The following EYS variants were observed in gnomAD, a reference collection of about 807,000 sequenced individuals.
EYS encodes the protein protein eyes shut homolog.
A neutral mutation model predicts 282.1 loss-of-function variants in EYS; 250 were observed. The ratio of observed to expected loss-of-function variants is 0.89; its 90% CI spans 0.80 to 0.98. The LOEUF is 0.98. EYS is among the 50% of genes least tolerant of loss of function. The pLI, the probability that EYS is intolerant of heterozygous loss-of-function variation, is 0.00. For missense variants in EYS, 4,016 were observed against 3,709.0 expected, an observed-to-expected ratio of 1.08 and a Z score of -2.15; for synonymous variants, 1,355 against 1,282.9, an observed-to-expected ratio of 1.06 and a Z score of -1.20.
chr6:65,067,106 A>C (rs1475798296), intron 12 of EYS, among the ~76,000 whole-genome samples: 1 of 152,120 alleles, frequency 6.6e-6, no homozygotes, highest in Non-Finnish European at 1.5e-5. Flanking sequence ...CAAACTAAAG[A>C]AAAGAAGAGA....
chr6:64,029,452 G>A (rs1022847052), intron 33 of EYS, among the ~76,000 whole-genome samples: 8 of 152,200 alleles, frequency 5.3e-5, no homozygotes, highest in Non-Finnish European at 1.2e-4. Flanking sequence ...GGAAGTTTAT[G>A]GCTATCGGAC....
intron 31 of EYS, among the ~76,000 whole-genome samples, chr6:64,168,857 T>A (rs1295343304): frequency 6.6e-6 from 1 of 152,212 alleles, no homozygotes; most frequent in Non-Finnish European, 1.5e-5. Flanking sequence ...TTACTTAAAA[T>A]GAGTAAAATT....
At chr6:65,339,366 T>C (rs1770112495) in intron 10 of EYS, among the ~76,000 whole-genome samples, 1 of 151,258 alleles carries the variant, frequency 6.6e-6, no homozygotes, top group African/African-American at 2.4e-5. Flanking sequence ...CTTTCCATGA[T>C]TTCAGTCACC....
intron 12 of EYS, among the ~76,000 whole-genome samples, chr6:65,286,160 T>C (rs1358348140): frequency 1.3e-5 from 2 of 151,924 alleles, no homozygotes; most frequent in Admixed American, 1.3e-4. Flanking sequence ...CATTTTAATC[T>C]CTATTCTCAT....
At chr6:64,662,378 T>C (rs928191106) in intron 22 of EYS, among the ~76,000 whole-genome samples, 13 of 152,144 alleles carry the variant, frequency 8.5e-5, no homozygotes, top group Non-Finnish European at 1.5e-4. Context: ...AAACTTAAAG[T>C]ATAATAAAAA....
At chr6:64,125,630 C>A (rs563671947) in intron 31 of EYS, among the ~76,000 whole-genome samples, 74 of 151,308 alleles carry the variant, frequency 4.9e-4, no homozygotes, top group African/African-American at 1.6e-3. Flanking sequence ...CTAAAAAATA[C>A]AAAAAATTAG....
chr6:65,444,359 T>C (rs1022273984), intron 5 of EYS, among the ~76,000 whole-genome samples: 1 of 152,050 alleles, frequency 6.6e-6, no homozygotes, highest in African/African-American at 2.4e-5. Flanking sequence ...CAAAGTCTTC[T>C]AGTTTAAAGT....
At chr6:64,126,939 T>C (rs1345279986) in intron 31 of EYS, among the ~76,000 whole-genome samples, 1 of 152,102 alleles carries the variant, frequency 6.6e-6, no homozygotes, top group African/African-American at 2.4e-5. Flanking sequence ...TATTCTAGGC[T>C]CCAGTAAGAC....
chr6:64,266,955 C>A (rs1254664531), intron 30 of EYS, among the ~76,000 whole-genome samples: 1 of 152,090 alleles, frequency 6.6e-6, no homozygotes, highest in Admixed American at 6.6e-5. Context: ...AAAGCACTTG[C>A]TTATGGGCTA....
At chr6:64,957,991 T>C (rs1359242547) in intron 14 of EYS, among the ~76,000 whole-genome samples, 2 of 152,172 alleles carry the variant, frequency 1.3e-5, no homozygotes, top group Admixed American at 6.5e-5. Context: ...TTAGCCTATT[T>C]GACAGTTTTA....
intron 2 of EYS, 97 bp from the exon 3 acceptor site, chr6:65,496,090 G>A (rs532821229): frequency 6.6e-6 from 1 of 152,128 alleles, no homozygotes; most frequent in East Asian, 1.9e-4. Context: ...TGATAATCAT[G>A]TTCCTTTTAT....
At chr6:64,446,922 T>C (rs1775134911) in intron 26 of EYS, among the ~76,000 whole-genome samples, 3 of 150,982 alleles carry the variant, frequency 2.0e-5, no homozygotes, top group African/African-American at 7.3e-5. Flanking sequence ...GATCCCTTTC[T>C]CCAGGTTTCT....
At chr6:65,194,918 T>A (rs1765729419) in intron 12 of EYS, among the ~76,000 whole-genome samples, 1 of 151,816 alleles carries the variant, frequency 6.6e-6, no homozygotes, top group African/African-American at 2.4e-5. Context: ...GTTTATATTC[T>A]CAAAGAAGAG....
At chr6:65,192,903 T>G (rs1351543496) in intron 12 of EYS, among the ~76,000 whole-genome samples, 1 of 151,870 alleles carries the variant, frequency 6.6e-6, no homozygotes, top group Non-Finnish European at 1.5e-5. Context: ...ATGTATCATT[T>G]CTGTGGGTTG....
At chr6:64,309,227 A>G (rs1769579072) in intron 29 of EYS, among the ~76,000 whole-genome samples, 1 of 152,182 alleles carries the variant, frequency 6.6e-6, no homozygotes, top group African/African-American at 2.4e-5. Context: ...GGGGAAACTG[A>G]TAATGTTTAA....
chr6:64,686,395 TAAAAC>T (rs1465302638), intron 22 of EYS, among the ~76,000 whole-genome samples: 3 of 151,678 alleles, frequency 2.0e-5, no homozygotes, highest in Middle Eastern at 3.4e-3. Context: ...AAAAAGGAAA[TAAAAC>T]AAACATTACC....
At chr6:64,198,475 T>C (rs1049337591) in intron 31 of EYS, among the ~76,000 whole-genome samples, 3 of 151,878 alleles carry the variant, frequency 2.0e-5, no homozygotes, top group Admixed American at 6.6e-5. Context: ...AGCCCTCCCC[T>C]GGCCCCCCAC....
chr6:65,432,909 G>GA (rs1035577704), intron 5 of EYS, among the ~76,000 whole-genome samples: 69 of 150,050 alleles, frequency 4.6e-4, no homozygotes, highest in African/African-American at 1.5e-3. Flanking sequence ...GAGAAGTCAA[G>GA]AAAAAAAAAG....
chr6:63,837,607 A>G (rs530141097), intron 36 of EYS, among the ~76,000 whole-genome samples: 2 of 152,324 alleles, frequency 1.3e-5, no homozygotes, highest in South Asian at 4.1e-4. Context: ...CTATTGAAGT[A>G]TAACACATAT....
Sources: gnomAD v4.1 joint callset for allele counts (sites outside exome capture counted in the v4.1 genomes callset) on GRCh38, gnomAD v4.1.1 for gene constraint, MANE v1.5 for transcripts, NCBI Gene and HGNC (gene_info 2026-07-23, HGNC 2026-07-21) for gene names.